The following GRID1 variants were observed in gnomAD, a reference collection of about 807,000 sequenced individuals.
GRID1 encodes glutamate receptor ionotropic, delta-1.
A neutral mutation model predicts 98.0 loss-of-function variants in GRID1; 28 were observed. That is an observed-to-expected ratio of 0.29 (90% CI 0.21 to 0.39). The LOEUF is 0.39. Ranked by LOEUF, GRID1 falls within the 10% of genes least tolerant of loss-of-function variation. GRID1 has a pLI of 1.00. For missense variants in GRID1, 1,111 were observed against 1,340.5 expected, an observed-to-expected ratio of 0.83 and a Z score of 2.67; for synonymous variants, 553 against 538.5, an observed-to-expected ratio of 1.03 and a Z score of -0.37.
rs187618991 is a variant in GRID1 at position 86,230,807 on chromosome 10, T to G, written c.236-24159A>C. On this transcript the variant is annotated intron_variant, in intron 2 of 15. Transcript: ENST00000327946. ...GCCAGAGCTGTCTCCCCCTCTGGTC[T>G]GTGAGCGCCTCCAAGCAGGATCATG... is the stretch of plus-strand genomic sequence containing the variant. Among the ~76,000 whole-genome samples, 8 of 152,290 alleles carry G rather than the reference T, an allele frequency of 5.3e-5. No individual in the cohort carries two copies. The East Asian group carries it at 1.5e-3, about 29-fold the overall frequency.
In GRID1 at chr10:85,916,770, C is replaced by T. The variant is rs532580626; in HGVS notation, c.727-531G>A. 9.2e-5 allele frequency among the ~76,000 whole-genome samples: 14 copies of T among 152,326 alleles called. No homozygotes were observed. The highest frequency in any genetic ancestry group is 4.1e-4 in the South Asian group (2 of 4,826). ...ACAAAGCTCTTTGTAGCTCCTGGGC[C>T]GTAGCCCCATCCCGTAACTCTCTAT... On this transcript the variant is annotated intron_variant, in intron 4 of 15. Transcript: ENST00000327946. The surrounding 1 kb of genome is among the most constrained non-coding windows in gnomAD (Gnocchi z 4.0).
chr10:85,647,635 C>T (rs1474099866), intron 12 of GRID1: 2 of 485,820 alleles, frequency 4.1e-6, no homozygotes, highest in Non-Finnish European at 7.4e-6. Flanking sequence ...GACTGGGCAC[C>T]TAAAACCAGG....
At chr10:85,665,323 C>A (rs972657641) in intron 12 of GRID1, among the ~76,000 whole-genome samples, 17 of 152,220 alleles carry the variant, frequency 1.1e-4, no homozygotes, top group African/African-American at 4.1e-4. Context: ...AAAGAGCTAC[C>A]CTGGTCCACC....
At position 85,729,514 on chromosome 10, in the gene GRID1, A is replaced by T; in HGVS notation, c.1334T>A (p.Leu445Ter). Residue 445 changes from leucine to a stop codon, truncating the protein, a stop_gained and splice_region_variant, in exon 9 of 16, where the codon TTG becomes TAG. Coordinates refer to ENST00000327946, the MANE Select transcript of GRID1 (RefSeq NM_017551.3). LOFTEE classifies it high-confidence loss of function. ...QGLTLKVVTV[L>*]EEPFVMVAEN... ...CCCAGAATGTCCCCATGATCCTACCAAGACAGTCACCACTTTAAGAGTCAA... is the reference window on the plus strand; with the variant it reads ...CCCAGAATGTCCCCATGATCCTACCTAGACAGTCACCACTTTAAGAGTCAA... 1 of 1,587,036 alleles carries T rather than the reference A, an allele frequency of 6.3e-7. No homozygotes were observed. The highest frequency in any genetic ancestry group is 1.1e-5 in the South Asian group (1 of 90,316).
chr10:86,235,415 T>C (rs538586469), intron 2 of GRID1, among the ~76,000 whole-genome samples: 1 of 152,362 alleles, frequency 6.6e-6, no homozygotes, highest in South Asian at 2.1e-4. Context: ...ACAAACTACA[T>C]ACTATGAAAT....
At chr10:85,747,142 G>A (rs1287809035) in intron 8 of GRID1, among the ~76,000 whole-genome samples, 2 of 152,080 alleles carry the variant, frequency 1.3e-5, no homozygotes, top group East Asian at 3.9e-4. Context: ...GAACGGTTAG[G>A]TGATTTGTGT....
intron 2 of GRID1, among the ~76,000 whole-genome samples, chr10:86,305,955 T>A (rs75402994): frequency 4.9e-4 from 74 of 152,294 alleles, no homozygotes; most frequent in African/African-American, 1.7e-3. Context: ...CAAATGCACA[T>A]TCCTATGTTC....
intron 13 of GRID1, among the ~76,000 whole-genome samples, chr10:85,622,198 G>A (rs886114816): frequency 3.3e-5 from 5 of 152,016 alleles, no homozygotes; most frequent in Non-Finnish European, 7.4e-5. Flanking sequence ...CTGCATGAAA[G>A]CACCCACATT....
rs766864865 is a variant in GRID1 at position 86,366,296 on chromosome 10, G to A, written c.79+18C>T. ...GGGGCCCCCGCCCAGCCTCGGCCCGGCCTCCAGCCGCGCTTACCGATGTGG... is the reference window on the plus strand; with the variant it reads ...GGGGCCCCCGCCCAGCCTCGGCCCGACCTCCAGCCGCGCTTACCGATGTGG... On this transcript the variant is annotated intron_variant, in intron 1 of 15. Transcript: ENST00000327946. The surrounding 1 kb of genome is among the most constrained non-coding windows in gnomAD (Gnocchi z 4.1). The A allele has an allele frequency of 2.0e-6, 3 of 1,480,014 alleles. No homozygotes were observed. Among genetic ancestry groups the A allele is most frequent in the Middle Eastern group, 1.9e-4 (1 of 5,332 alleles). 91.7% of individuals were successfully genotyped at this position (1,480,014 alleles called of 1,614,324 possible). A position where few individuals can be genotyped will look rare whatever the true frequency, so the allele number is the denominator to read the frequency against.
intron 4 of GRID1, among the ~76,000 whole-genome samples, chr10:86,102,538 C>T (rs749781138): frequency 1.2e-4 from 19 of 152,198 alleles, no homozygotes; most frequent in Non-Finnish European, 2.2e-4. Context: ...GAGCCCTGCC[C>T]GGCGCTGCCA....
chr10:86,301,207 C>T (rs1589442317), intron 2 of GRID1, among the ~76,000 whole-genome samples: 2 of 152,212 alleles, frequency 1.3e-5, no homozygotes, highest in Admixed American at 1.3e-4. Context: ...CACAGACCAG[C>T]TGAGAGGTAC....
At chr10:85,845,708 A>G (rs977653272) in intron 8 of GRID1, among the ~76,000 whole-genome samples, 3 of 152,282 alleles carry the variant, frequency 2.0e-5, no homozygotes, top group African/African-American at 2.4e-5. Flanking sequence ...GTAACAACCT[A>G]TCTTTTCAAT....
intron 4 of GRID1, among the ~76,000 whole-genome samples, chr10:85,999,546 G>C (rs1842780712): frequency 6.6e-6 from 1 of 152,060 alleles, no homozygotes; most frequent in African/African-American, 2.4e-5. Flanking sequence ...CATGAACATA[G>C]ATACAAAAAA....
intron 14 of GRID1, among the ~76,000 whole-genome samples, chr10:85,617,235 C>A (rs941496463): frequency 1.3e-4 from 18 of 141,546 alleles, no homozygotes; most frequent in Admixed American, 3.5e-4. Flanking sequence ...GCCCCCCCCC[C>A]CTTTTATTTT....
intron 8 of GRID1, among the ~76,000 whole-genome samples, chr10:85,779,028 G>A (rs943931219): frequency 1.3e-5 from 2 of 152,202 alleles, no homozygotes; most frequent in East Asian, 1.9e-4. Context: ...ACAAAAAACA[G>A]TTCTGGAAAT....
chr10:85,939,512 C>T (rs11201840), intron 4 of GRID1, among the ~76,000 whole-genome samples: 66,397 of 151,840 alleles, frequency 0.44, 15,411 homozygotes, highest in East Asian at 0.67. Flanking sequence ...CTAGAAGCCA[C>T]TCTCATTCCT....
chr10:85,686,326 G>A (rs1841268467), intron 12 of GRID1, among the ~76,000 whole-genome samples: 1 of 152,140 alleles, frequency 6.6e-6, no homozygotes, highest in Non-Finnish European at 1.5e-5. Context: ...TTGAGCCAGT[G>A]ATTCTATTTC....
chr10:85,987,492 C>CACCCAGCCTTACCT, intron 4 of GRID1, among the ~76,000 whole-genome samples: 1 of 87,328 alleles, frequency 1.1e-5, no homozygotes, highest in East Asian at 4.5e-4. Flanking sequence ...CCTAATCACG[C>CACCCAGCCTTACCT]CCCCAGCCTT....
chr10:85,682,354 G>A (rs1841219912), intron 12 of GRID1, among the ~76,000 whole-genome samples: 1 of 152,212 alleles, frequency 6.6e-6, no homozygotes, highest in Admixed American at 6.5e-5. Flanking sequence ...GTCTAGTGCA[G>A]TGTGCAGCAA....
Sources: allele counts gnomAD v4.1 joint callset (sites outside exome capture counted in the v4.1 genomes callset), GRCh38; gene constraint gnomAD v4.1.1; non-coding constraint Gnocchi (gnomAD v3.1); transcripts MANE v1.5; gene names NCBI Gene and HGNC (gene_info 2026-07-23, HGNC 2026-07-21).